SHC4: variants seen among roughly 807,000 people sequenced by gnomAD.
SHC4 encodes SHC-transforming protein 4.
SHC4 carries 41 observed loss-of-function variants against 69.4 expected under a neutral mutation model. The observed-to-expected ratio is 0.59, with a 90% CI of 0.46 to 0.77. The LOEUF is 0.77. Among genes scored for constraint, SHC4 ranks in the 30% least tolerant of loss-of-function variants. SHC4 has a pLI of 0.00. For missense variants in SHC4, 777 were observed against 783.8 expected, an observed-to-expected ratio of 0.99 and a Z score of 0.10; for synonymous variants, 318 against 299.3, an observed-to-expected ratio of 1.06 and a Z score of -0.64.
At chr15:48,872,222 ATTTG>A (rs779215016) in intron 4 of SHC4, 80 bp from the exon 5 acceptor site, 103 of 876,970 alleles carry the variant, frequency 1.2e-4, no homozygotes, top group Non-Finnish European at 1.4e-4. Context: ...ATAGACATAC[ATTTG>A]TTTGTTTTGT....
chr15:48,873,553 G>C (rs1001685068), intron 4 of SHC4, among the ~76,000 whole-genome samples: 4 of 152,160 alleles, frequency 2.6e-5, no homozygotes, highest in African/African-American at 9.6e-5. Context: ...GACCATCCTA[G>C]CTAACACAGT....
At chr15:48,901,724 T>C (rs1372797765) in intron 2 of SHC4, among the ~76,000 whole-genome samples, 1 of 152,208 alleles carries the variant, frequency 6.6e-6, no homozygotes, top group Non-Finnish European at 1.5e-5. Context: ...GACTCTGCAG[T>C]TAGCCAGAGT....
At position 48,963,665 on chromosome 15, in the gene SHC4, T is replaced by C. The variant is rs1050990993; in HGVS notation, c.-650A>G. Reference sequence around the variant, plus strand: ...CCCGTTCTGGGCCACCAGCCAGGAGTACTACTGACGGGCGCTGCTCCGCAT... The same window carrying C: ...CCCGTTCTGGGCCACCAGCCAGGAGCACTACTGACGGGCGCTGCTCCGCAT... On this transcript the variant is annotated 5_prime_UTR_variant, in exon 1 of 12. Coordinates refer to ENST00000332408, the MANE Select transcript of SHC4 (RefSeq NM_203349.4). Among the ~76,000 whole-genome samples, 1 of 151,966 alleles carries C rather than the reference T, an allele frequency of 6.6e-6. No homozygotes were observed. Among genetic ancestry groups the C allele is most frequent in the Non-Finnish European group, 1.5e-5 (1 of 67,994 alleles).
At chr15:48,955,172 G>A (rs977529989) in intron 1 of SHC4, among the ~76,000 whole-genome samples, 34 of 152,166 alleles carry the variant, frequency 2.2e-4, no homozygotes, top group Non-Finnish European at 2.8e-4. Flanking sequence ...GTTTACCCAG[G>A]AAGAGGACAT....
At chr15:48,850,846 G>T (rs1049365773) in intron 9 of SHC4, among the ~76,000 whole-genome samples, 2 of 152,102 alleles carry the variant, frequency 1.3e-5, no homozygotes, top group African/African-American at 4.8e-5. Flanking sequence ...TTTCACATTA[G>T]CTTACTCCTG....
At position 48,836,955 on chromosome 15, in the gene SHC4, G is replaced by T. The variant is rs189893449; in HGVS notation, c.1484-1933C>A. On this transcript the variant is annotated intron_variant, in intron 10 of 11. Transcript: ENST00000332408. ...CTGACAAAATGTATGCAGATTTGAT[G>T]AATAATACTTGTAACTGGCCTTAGT... 2.5e-3 allele frequency among the ~76,000 whole-genome samples: 382 copies of T among 152,294 alleles called. 2 individuals are homozygous for T. Among genetic ancestry groups the T allele is most frequent in the Non-Finnish European group, 4.7e-3 (317 of 68,032 alleles).
At chr15:48,856,431 T>C (rs1339407655) in intron 7 of SHC4, among the ~76,000 whole-genome samples, 1 of 152,210 alleles carries the variant, frequency 6.6e-6, no homozygotes, top group Non-Finnish European at 1.5e-5. Context: ...GATATTTTTG[T>C]CATAAGATCA....
chr15:48,841,789 T>G (rs1280611058), intron 10 of SHC4, among the ~76,000 whole-genome samples: 1 of 152,184 alleles, frequency 6.6e-6, no homozygotes, highest in Non-Finnish European at 1.5e-5. Context: ...AGAATCCAGC[T>G]TGGTTGAATA....
At chr15:48,919,295 A>ATTTTTTTTTT (rs386382928) in intron 2 of SHC4, among the ~76,000 whole-genome samples, 2,518 of 71,064 alleles carry the variant, frequency 0.035, 431 homozygotes, top group African/African-American at 0.078. Flanking sequence ...ATTTATTTTA[A>ATTTTTTTTTT]TTTTTTTTTT....
At chr15:48,866,515 A>G (rs1444780820) in intron 6 of SHC4, among the ~76,000 whole-genome samples, 2 of 152,126 alleles carry the variant, frequency 1.3e-5, no homozygotes, top group African/African-American at 4.8e-5. Flanking sequence ...TCCCTGCCTT[A>G]AGTTTCTCCC....
In SHC4 at chr15:48,890,791, C is replaced by T. The variant is rs1403534231; in HGVS notation, c.677G>A (p.Cys226Tyr). 1 of 1,614,214 alleles carries T rather than the reference C, an allele frequency of 6.2e-7. No homozygotes were observed. The highest frequency in any genetic ancestry group is 8.5e-7 in the Non-Finnish European group (1 of 1,180,038). The change falls in exon 3 of 12, where the codon TGT becomes TAT. Residue 226 changes from cysteine (C) to tyrosine (Y), a missense_variant. Coordinates refer to ENST00000332408, the MANE Select transcript of SHC4 (RefSeq NM_203349.4). Reference sequence around the variant, plus strand: ...TCCATTTGCCCCGGGGACAGCTTCACACAGGCGACTTATTGCTTCCCTAAA... The same window carrying T: ...TCCATTTGCCCCGGGGACAGCTTCATACAGGCGACTTATTGCTTCCCTAAA... ...QVTREAISRL[C>Y]EAVPGANGAI...
In SHC4 at chr15:48,949,820, A is replaced by T. The variant is rs765113370; in HGVS notation, c.585+12611T>A. On this transcript the variant is annotated intron_variant, in intron 1 of 11. Coordinates refer to ENST00000332408, the MANE Select transcript of SHC4 (RefSeq NM_203349.4). ...TTATAATTATATATAATTACAAATTAATATATATATAAATTATGTAATATT... is the reference window on the plus strand; with the variant it reads ...TTATAATTATATATAATTACAAATTTATATATATATAAATTATGTAATATT... Among the ~76,000 whole-genome samples, 274 of 146,348 alleles carry T rather than the reference A, an allele frequency of 1.9e-3. 1 individual carries two copies. Among genetic ancestry groups the T allele is most frequent in the Non-Finnish European group, 3.3e-3 (220 of 66,744 alleles).
chr15:48,945,709 G>A (rs1221962260), intron 1 of SHC4, among the ~76,000 whole-genome samples: 1 of 64,760 alleles, frequency 1.5e-5, no homozygotes, highest in Non-Finnish European at 3.3e-5. Context: ...GCCAGGGGTT[G>A]GAGGGGAAGA....
intron 9 of SHC4, 55 bp downstream of exon 9, chr15:48,851,133 A>G: frequency 6.4e-7 from 1 of 1,557,534 alleles, no homozygotes; most frequent in Non-Finnish European, 8.8e-7. Flanking sequence ...ACATATGTCC[A>G]TAGGACTTAC....
chr15:48,947,859 T>C (rs530574887), intron 1 of SHC4: 4 of 152,328 alleles, frequency 2.6e-5, no homozygotes, highest in African/African-American at 9.6e-5. Flanking sequence ...CTCTAGAAGA[T>C]TGATGTTGTT....
intron 2 of SHC4, among the ~76,000 whole-genome samples, chr15:48,891,083 A>T (rs1289787099): frequency 6.6e-6 from 1 of 152,086 alleles, no homozygotes; most frequent in African/African-American, 2.4e-5. Flanking sequence ...GGGTTTTCAG[A>T]TTTTGTTTAT....
At chr15:48,912,102 T>C (rs1900518232) in intron 2 of SHC4, among the ~76,000 whole-genome samples, 1 of 152,208 alleles carries the variant, frequency 6.6e-6, no homozygotes, top group Non-Finnish European at 1.5e-5. Context: ...CAGGTGTTCT[T>C]TGTGCTTCTT....
intron 6 of SHC4, among the ~76,000 whole-genome samples, 159 bp from the exon 7 acceptor site, chr15:48,857,974 C>T (rs1392857260): frequency 2.0e-5 from 3 of 152,286 alleles, no homozygotes; most frequent in African/African-American, 7.2e-5. Context: ...GAATACTTCA[C>T]ATTTCACATG....
At chr15:48,935,632 TG>T (rs1901055305) in intron 1 of SHC4, among the ~76,000 whole-genome samples, 1 of 152,170 alleles carries the variant, frequency 6.6e-6, no homozygotes, top group African/African-American at 2.4e-5. Flanking sequence ...AGCTGGAATG[TG>T]GGTCGTGTAA....
Sources: allele counts gnomAD v4.1 joint callset (sites outside exome capture counted in the v4.1 genomes callset), GRCh38; gene constraint gnomAD v4.1.1; transcripts MANE v1.5; gene names NCBI Gene and HGNC (gene_info 2026-07-23, HGNC 2026-07-21).